IYD: variants seen among roughly 807,000 people sequenced by gnomAD.
The protein encoded by IYD is iodotyrosine deiodinase.
Under a neutral mutation model 28.4 loss-of-function variants are expected in IYD, and 25 were observed. The ratio of observed to expected loss-of-function variants is 0.88; its 90% confidence interval spans 0.64 to 1.23. The LOEUF (loss-of-function observed/expected upper bound fraction) is 1.23. Ranked by LOEUF, IYD falls within the 50% of genes most tolerant of loss-of-function variation. IYD has a pLI of 0.00. For synonymous variants in IYD, 140 were observed against 130.8 expected (o/e 1.07, Z -0.48); for missense variants, 352 against 357.9 (o/e 0.98, Z 0.13).
At chr6:150,389,568 T>C in intron 2 of IYD, 25 bp downstream of exon 2, 1 of 1,599,430 alleles carries the variant, frequency 6.3e-7, no homozygotes. Context: ...ATGGGGTCTT[T>C]GGAAATGTTA....
intron 1 of IYD, among the ~76,000 whole-genome samples, chr6:150,387,124 G>A (rs1436715460): frequency 2.6e-5 from 4 of 152,072 alleles, no homozygotes; most frequent in Non-Finnish European, 2.9e-5. Flanking sequence ...CTTACCTGTA[G>A]GCAAGAAGCC....
chr6:150,379,172 A>G (rs1293500379), intron 1 of IYD, among the ~76,000 whole-genome samples: 3 of 152,204 alleles, frequency 2.0e-5, no homozygotes, highest in African/African-American at 7.2e-5. Flanking sequence ...CACTAAAGCC[A>G]GAAACCTGGC....
intron 4 of IYD, chr6:150,395,310 AAAG>A: frequency 1.1e-6 from 1 of 933,556 alleles, no homozygotes; most frequent in Non-Finnish European, 1.6e-6. Flanking sequence ...ATTAAAAAAA[AAAG>A]AGAGCTTCTT....
At chr6:150,388,935 C>G (rs1233353572) in intron 1 of IYD, among the ~76,000 whole-genome samples, 1 of 152,144 alleles carries the variant, frequency 6.6e-6, no homozygotes, top group African/African-American at 2.4e-5. Flanking sequence ...CTCCCAACCT[C>G]AAGTGATCCG....
intron 1 of IYD, 39 bp from the exon 2 acceptor site, chr6:150,389,313 G>A (rs1323441837): frequency 9.2e-6 from 14 of 1,526,298 alleles, no homozygotes; most frequent in Admixed American, 1.7e-5. Flanking sequence ...ATGACCAAGG[G>A]ATCATTTAGT....
intron 4 of IYD, chr6:150,396,784 G>T (rs1259080450): frequency 5.3e-6 from 1 of 188,472 alleles, no homozygotes; most frequent in Non-Finnish European, 1.1e-5. Flanking sequence ...TGAGGCAGGA[G>T]AATGGCGTGA....
intron 1 of IYD, among the ~76,000 whole-genome samples, chr6:150,383,194 G>T (rs1777715267): frequency 6.6e-6 from 1 of 152,112 alleles, no homozygotes; most frequent in African/African-American, 2.4e-5. Flanking sequence ...TATTATCTTA[G>T]GCTGCAAGCA....
chr6:150,383,415 C>T (rs1777725706), intron 1 of IYD, among the ~76,000 whole-genome samples: 1 of 152,168 alleles, frequency 6.6e-6, no homozygotes, highest in African/African-American at 2.4e-5. Flanking sequence ...TGCTGGTCTA[C>T]CTCTGTGGTA....
chr6:150,386,069 T>G (rs1777852254), intron 1 of IYD, among the ~76,000 whole-genome samples: 1 of 152,012 alleles, frequency 6.6e-6, no homozygotes, highest in South Asian at 2.1e-4. Flanking sequence ...GAACTAGCTT[T>G]GGTTTTGATG....
chr6:150,391,512 G>A lies in IYD; in HGVS notation c.371-833G>A, dbSNP rs368168079. ...TTCTTTCCTTAGTAGGCATGGTGCA[G>A]TTACTTGGGGACATTTTCTTCCATG... On this transcript the variant is annotated intron_variant, in intron 2 of 4. Coordinates refer to ENST00000344419, the MANE Select transcript of IYD (RefSeq NM_203395.3). 3.9e-5 allele frequency among the ~76,000 whole-genome samples: 6 copies of A among 152,166 alleles called. No individual in the cohort carries two copies. In the East Asian group the frequency reaches 7.7e-4, roughly 20 times the overall value.
chr6:150,374,799 A>T (rs998310499), intron 1 of IYD, among the ~76,000 whole-genome samples: 2 of 152,218 alleles, frequency 1.3e-5, no homozygotes, highest in Non-Finnish European at 2.9e-5. Flanking sequence ...TAACATCCTC[A>T]GAGATGAGAA....
chr6:150,388,828 A>G (rs1258340605), intron 1 of IYD, among the ~76,000 whole-genome samples: 1 of 151,004 alleles, frequency 6.6e-6, no homozygotes, highest in Non-Finnish European at 1.5e-5. Flanking sequence ...CAGCCTCCCA[A>G]GTAGTTGGGA....
chr6:150,370,642 A>G (rs1777206700), intron 1 of IYD: 1 of 985,410 alleles, frequency 1.0e-6, no homozygotes, highest in Non-Finnish European at 1.2e-6. Context: ...CCCTTAATCC[A>G]GGGAACATCT....
chr6:150,381,388 G>A (rs1178071429), intron 1 of IYD, among the ~76,000 whole-genome samples: 1 of 152,144 alleles, frequency 6.6e-6, no homozygotes, highest in Non-Finnish European at 1.5e-5. Flanking sequence ...TTGTTTAAAA[G>A]TTCTGAACAG....
chr6:150,370,192 T>C (rs1562307300), intron 1 of IYD, among the ~76,000 whole-genome samples: 2 of 151,710 alleles, frequency 1.3e-5, no homozygotes, highest in African/African-American at 4.9e-5. Flanking sequence ...TGAGAGTGTG[T>C]GTTTATGAAT....
chr6:150,385,943 G>A (rs1777847283), intron 1 of IYD, among the ~76,000 whole-genome samples: 1 of 151,910 alleles, frequency 6.6e-6, no homozygotes, highest in African/African-American at 2.4e-5. Flanking sequence ...TTTGTTGAAT[G>A]ACAGTAACAT....
At position 150,398,472 on chromosome 6, in the gene IYD, T is replaced by C. The variant is rs1251677564; in HGVS notation, c.*235T>C. ...ATGCATGAACACTTTACAAAGAACA[T>C]GCCCGGGTTTTTACATTTTAAAAGT... On this transcript the variant is annotated 3_prime_UTR_variant, in exon 5 of 5. Transcript: ENST00000344419. 3.8e-6 allele frequency: 2 copies of C among 526,410 alleles called. No individual in the cohort carries two copies. The highest frequency in any genetic ancestry group is 6.8e-6 in the Non-Finnish European group (2 of 295,978). 32.6% of individuals were successfully genotyped at this position (526,410 alleles called of 1,614,324 possible).
intron 1 of IYD, among the ~76,000 whole-genome samples, chr6:150,383,815 C>CAA (rs1173122063): frequency 6.4e-4 from 23 of 36,084 alleles, no homozygotes; most frequent in African/African-American, 2.2e-3. Context: ...AAAACAAAAA[C>CAA]AAAAACAAAA....
At chr6:150,396,379 G>T in intron 4 of IYD, 1 of 610,602 alleles carries the variant, frequency 1.6e-6, no homozygotes, top group South Asian at 2.0e-5. Flanking sequence ...TACTCACATC[G>T]AGAGAGTGAA....
Sources: gnomAD v4.1 joint callset for allele counts (sites outside exome capture counted in the v4.1 genomes callset) on GRCh38, gnomAD v4.1.1 for gene constraint, MANE v1.5 for transcripts, NCBI Gene and HGNC (gene_info 2026-07-23, HGNC 2026-07-21) for gene names.